SUMF1: variants seen among roughly 807,000 people sequenced by gnomAD.
SUMF1 encodes sulfatase modifying factor 1.
A neutral mutation model predicts 47.6 loss-of-function variants in SUMF1; 48 were observed. The observed-to-expected ratio is 1.01, with a 90% CI of 0.80 to 1.28. SUMF1 has a LOEUF of 1.28. Ranked by LOEUF, SUMF1 falls within the 50% of genes most tolerant of loss-of-function variation. The probability of loss-of-function intolerance (pLI) is 0.00; values close to 1 mark genes in which losing one functional copy is unlikely to be tolerated. For synonymous variants in SUMF1, 230 were observed against 192.1 expected, an observed-to-expected ratio of 1.20 and a Z score of -1.63; for missense variants, 571 against 485.4, an observed-to-expected ratio of 1.18 and a Z score of -1.66.
intron 8 of SUMF1, among the ~76,000 whole-genome samples, chr3:4,108,880 T>C (rs1410113668): frequency 2.0e-5 from 3 of 152,206 alleles, no homozygotes; most frequent in Admixed American, 6.5e-5. Context: ...CTTTATCCAA[T>C]TTGCCAGTCT....
intron 8 of SUMF1, among the ~76,000 whole-genome samples, chr3:4,321,749 A>T (rs1016630481): frequency 6.6e-6 from 1 of 152,164 alleles, no homozygotes; most frequent in African/African-American, 2.4e-5. Flanking sequence ...CTGCCCACGA[A>T]AAGGGGGACC....
chr3:4,291,896 T>C (rs1284977719), intron 8 of SUMF1, among the ~76,000 whole-genome samples: 1 of 152,188 alleles, frequency 6.6e-6, no homozygotes, highest in Non-Finnish European at 1.5e-5. Flanking sequence ...TTGCCAACTC[T>C]CTTCTGTGAG....
At chr3:4,041,187 C>A (rs1189356278) in intron 9 of SUMF1, among the ~76,000 whole-genome samples, 1 of 152,200 alleles carries the variant, frequency 6.6e-6, no homozygotes, top group Admixed American at 6.5e-5. Context: ...ATTCTCCTGC[C>A]TCAGCCTCTG....
At chr3:4,436,881 C>CG (rs1702420674) in intron 3 of SUMF1, among the ~76,000 whole-genome samples, 1 of 144,046 alleles carries the variant, frequency 6.9e-6, no homozygotes, top group Non-Finnish European at 1.5e-5. Context: ...AAACAAAAAA[C>CG]AAAAAAAACC....
intron 3 of SUMF1, among the ~76,000 whole-genome samples, chr3:4,433,165 C>T (rs559533662): frequency 6.6e-6 from 1 of 152,168 alleles, no homozygotes; most frequent in South Asian, 2.1e-4. Flanking sequence ...CAGAGGCCGA[C>T]GATACAGAGT....
intron 8 of SUMF1, among the ~76,000 whole-genome samples, chr3:4,089,785 A>G (rs1178858903): frequency 6.6e-6 from 1 of 152,120 alleles, no homozygotes; most frequent in East Asian, 1.9e-4. Flanking sequence ...CATGTTGATC[A>G]CATCATATTT....
chr3:4,278,137 A>G (rs1697456815), intron 8 of SUMF1, among the ~76,000 whole-genome samples: 1 of 152,076 alleles, frequency 6.6e-6, no homozygotes, highest in Non-Finnish European at 1.5e-5. Context: ...ATATTTCAAT[A>G]GAACAAAAGG....
chr3:4,304,948 A>T (rs1559212198), intron 8 of SUMF1, among the ~76,000 whole-genome samples: 1 of 151,696 alleles, frequency 6.6e-6, no homozygotes, highest in Non-Finnish European at 1.5e-5. Context: ...GGTTTGGTTC[A>T]GAAGGCGGGG....
chr3:4,102,744 A>T (rs7428737), intron 8 of SUMF1, among the ~76,000 whole-genome samples: 17,965 of 151,942 alleles, frequency 0.12, 2,151 homozygotes, highest in African/African-American at 0.29. Flanking sequence ...CTTGCACCAG[A>T]AGCACAGGAT....
chr3:4,392,195 T>C (rs187395571), intron 7 of SUMF1, among the ~76,000 whole-genome samples: 73 of 152,316 alleles, frequency 4.8e-4, no homozygotes, highest in African/African-American at 1.7e-3. Flanking sequence ...TATCTGCTCT[T>C]GTGTTCAACT....
At chr3:4,422,504 A>AC (rs1236987342) in intron 3 of SUMF1, among the ~76,000 whole-genome samples, 8 of 152,170 alleles carry the variant, frequency 5.3e-5, no homozygotes, top group African/African-American at 1.9e-4. Flanking sequence ...AAAAAAAAAA[A>AC]AAACATGATT....
chr3:4,366,192 G>C (rs1575137481), intron 8 of SUMF1, among the ~76,000 whole-genome samples: 1 of 151,608 alleles, frequency 6.6e-6, no homozygotes, highest in South Asian at 2.1e-4. Flanking sequence ...ATAATTATGT[G>C]TCTTGGAGTT....
At chr3:4,258,271 T>G (rs1343727068) in intron 8 of SUMF1, among the ~76,000 whole-genome samples, 1 of 147,892 alleles carries the variant, frequency 6.8e-6, no homozygotes, top group Non-Finnish European at 1.5e-5. Context: ...TGGGATCTAA[T>G]TAAACTAAAG....
At position 4,324,753 on chromosome 3, in the gene SUMF1, C is replaced by T. The variant is rs138527859; in HGVS notation, c.1014+51577G>A. Among the ~76,000 whole-genome samples, 3 of 152,214 alleles carry T rather than the reference C, an allele frequency of 2.0e-5. No homozygotes were observed. In the East Asian group the frequency reaches 5.8e-4, roughly 29 times the overall value. On this transcript the variant is annotated intron_variant and NMD_transcript_variant, in intron 8 of 12. Coordinates refer to the SUMF1 transcript ENST00000448413. ...TATCTGTTTGGGCTCAAAAGAAATACAGTATTGATCGATTACCAAGTTAAT... is the reference window on the plus strand; with the variant it reads ...TATCTGTTTGGGCTCAAAAGAAATATAGTATTGATCGATTACCAAGTTAAT...
chr3:4,077,854 C>T (rs1019991845), intron 8 of SUMF1, among the ~76,000 whole-genome samples: 1 of 151,702 alleles, frequency 6.6e-6, no homozygotes, highest in African/African-American at 2.4e-5. Context: ...AAAATTCATG[C>T]TAATAATTTA....
intron 8 of SUMF1, among the ~76,000 whole-genome samples, chr3:4,366,120 C>G (rs992086824): frequency 2.6e-5 from 4 of 151,852 alleles, no homozygotes; most frequent in Non-Finnish European, 4.4e-5. Flanking sequence ...TCGTGGGTAA[C>G]CCGACCTTTC....
At chr3:4,048,568 G>A (rs568800218) in intron 9 of SUMF1, among the ~76,000 whole-genome samples, 2 of 151,910 alleles carry the variant, frequency 1.3e-5, no homozygotes, top group South Asian at 4.2e-4. Context: ...ATAGCACCAT[G>A]TGCTTCTTTA....
At chr3:4,270,745 T>C (rs896269137) in intron 8 of SUMF1, among the ~76,000 whole-genome samples, 1 of 152,182 alleles carries the variant, frequency 6.6e-6, no homozygotes, top group Admixed American at 6.5e-5. Flanking sequence ...GGATATTTCC[T>C]GGCTTTGCCA....
intron 8 of SUMF1, among the ~76,000 whole-genome samples, chr3:4,235,959 T>C (rs1042151178): frequency 6.6e-6 from 1 of 152,026 alleles, no homozygotes; most frequent in Admixed American, 6.6e-5. Flanking sequence ...AATAATTTTT[T>C]TGAGACAGGG....
Sources: allele counts gnomAD v4.1 joint callset (sites outside exome capture counted in the v4.1 genomes callset), GRCh38; gene constraint gnomAD v4.1.1; transcripts MANE v1.5; gene names NCBI Gene and HGNC (gene_info 2026-07-23, HGNC 2026-07-21).